PCDHGA3: variants seen among roughly 807,000 people sequenced by gnomAD.
The protein encoded by PCDHGA3 is protocadherin gamma subfamily A, 3.
In PCDHGA3, 40 loss-of-function variants were observed where a neutral mutation model predicts 58.5. That is an observed-to-expected ratio of 0.68 (90% CI 0.53 to 0.89). The LOEUF (loss-of-function observed/expected upper bound fraction) is 0.89. PCDHGA3 is among the 40% of genes least tolerant of loss of function. The pLI is 0.00. For synonymous variants in PCDHGA3, 530 were observed against 525.7 expected (o/e 1.01, Z -0.11); for missense variants, 1,223 against 1,195.9 (o/e 1.02, Z -0.33).
chr5:141,423,865 T>G, intron 1 of PCDHGA3: 1 of 1,285,992 alleles, frequency 7.8e-7, no homozygotes, highest in Non-Finnish European at 9.9e-7. Flanking sequence ...TTTGTGAAAG[T>G]CATTTTTCAA....
chr5:141,392,841 C>T (rs1464167244), intron 1 of PCDHGA3: 3 of 1,608,800 alleles, frequency 1.9e-6, no homozygotes, highest in Non-Finnish European at 8.5e-7. Flanking sequence ...TCGCCCCAGA[C>T]GCGGCGAGCT....
At chr5:141,508,162 G>A (rs377676571) in intron 3 of PCDHGA3, 4 of 152,502 alleles carry the variant, frequency 2.6e-5, no homozygotes, top group African/African-American at 9.7e-5. Context: ...CCTGAGTAGA[G>A]GCTGGCACAG....
chr5:141,433,914 C>A (rs2097664630), intron 1 of PCDHGA3, among the ~76,000 whole-genome samples: 1 of 151,702 alleles, frequency 6.6e-6, no homozygotes, highest in Admixed American at 6.6e-5. Context: ...TTACAATCAC[C>A]TCCAAATGAA....
At chr5:141,413,462 G>A (rs750915907) in intron 1 of PCDHGA3, 4 of 1,614,120 alleles carry the variant, frequency 2.5e-6, no homozygotes, top group East Asian at 2.2e-5. Flanking sequence ...AGGATAGACC[G>A]GGAGGAGCTC....
intron 1 of PCDHGA3, chr5:141,395,512 A>C: frequency 4.7e-6 from 2 of 421,514 alleles, no homozygotes; most frequent in Non-Finnish European, 8.4e-6. Flanking sequence ...AGAAGTAGCT[A>C]CCCGTCCATA....
intron 1 of PCDHGA3, chr5:141,389,967 G>C: frequency 8.7e-6 from 14 of 1,614,046 alleles, no homozygotes; most frequent in Non-Finnish European, 1.1e-5. Context: ...GGTGGCCTTG[G>C]CCTTGATCTC....
chr5:141,400,674 T>A, intron 1 of PCDHGA3: 1 of 917,906 alleles, frequency 1.1e-6, no homozygotes, highest in Non-Finnish European at 1.7e-6. Flanking sequence ...AGAGGAGCAG[T>A]AAATTGTGAG....
rs1227487225 is a variant in PCDHGA3, at chr5:141,491,275, G to C, written c.2425-3532G>C. The C allele has an allele frequency of 2.5e-6, 4 of 1,614,082 alleles. 1 individual carries two copies. In the South Asian group the frequency reaches 4.4e-5, roughly 18 times the overall value. On this transcript the variant is annotated intron_variant, in intron 1 of 3. Transcript: ENST00000253812. This position sits in a 1 kb window ranked among gnomAD's most constrained non-coding sequence, Gnocchi z 6.9. Reference sequence around the variant, plus strand: ...CCCTGAGGAAATGCCCAAATCCAGTGACTTCCTCATACACCCTCCTGAGCG... The same window carrying C: ...CCCTGAGGAAATGCCCAAATCCAGTCACTTCCTCATACACCCTCCTGAGCG...
Position 141,510,956 on chromosome 5 carries a change from A to T in PCDHGA3, c.2582A>T (p.Asp861Val). 1 of 1,614,104 alleles carries T rather than the reference A, an allele frequency of 6.2e-7. No homozygotes were observed. The highest frequency in any genetic ancestry group is 8.5e-7 in the Non-Finnish European group (1 of 1,179,996). The change falls in exon 4 of 4, where the codon GAT becomes GTT. Residue 861 changes from aspartate to valine, a missense_variant. Asp to Val is a radical substitution (Grantham distance 152). This residue lies in a region of PCDHGA3 where 325 missense variants were observed against 327.5 expected (regional missense o/e 0.99). Transcript: ENST00000253812. ...MILASASEAA[D>V]GSSTLGGGAG... ...TCCTCTGTCTCTGCAGAAGCTGCTG[A>T]TGGGAGCTCCACCCTGGGAGGGGGT...
At chr5:141,498,863 G>A (rs1311199561) in intron 2 of PCDHGA3, among the ~76,000 whole-genome samples, 2 of 151,466 alleles carry the variant, frequency 1.3e-5, no homozygotes, top group South Asian at 2.1e-4. Context: ...AACCCAGGAG[G>A]CGGAGGTTGC....
Position 141,477,678 on chromosome 5 carries a change from C to T in PCDHGA3, c.2425-17129C>T, listed in dbSNP as rs967769574. ...AATCGTGACAATGGCATAGTGTCAT[C>T]CTTAGTGCCCCTAGACTATGAGGAT... On this transcript the variant is annotated intron_variant, in intron 1 of 3. Coordinates refer to ENST00000253812, the MANE Select transcript of PCDHGA3 (RefSeq NM_018916.4). This position sits in a 1 kb window ranked among gnomAD's most constrained non-coding sequence, Gnocchi z 4.9. 9.9e-6 allele frequency: 16 copies of T among 1,614,182 alleles called. No homozygotes were observed. The highest frequency in any genetic ancestry group is 1.1e-5 in the Non-Finnish European group (13 of 1,180,046).
intron 1 of PCDHGA3, chr5:141,360,786 C>CGG: frequency 6.2e-7 from 1 of 1,612,498 alleles, no homozygotes. Flanking sequence ...CTGTGGATGG[C>CGG]GGAGACCCAC....
chr5:141,419,196 A>G (rs2096342064), intron 1 of PCDHGA3: 1 of 1,613,994 alleles, frequency 6.2e-7, no homozygotes, highest in Middle Eastern at 1.6e-4. Context: ...ACTGACGTCA[A>G]TGACAACGCG....
chr5:141,459,548 C>G (rs980305784), intron 1 of PCDHGA3, among the ~76,000 whole-genome samples: 2 of 152,036 alleles, frequency 1.3e-5, no homozygotes, highest in African/African-American at 4.8e-5. Flanking sequence ...TTTTATTTCT[C>G]TTGGATAAAT....
chr5:141,504,561 T>G (rs1023434942), intron 2 of PCDHGA3, among the ~76,000 whole-genome samples: 1 of 150,052 alleles, frequency 6.7e-6, no homozygotes, highest in Non-Finnish European at 1.5e-5. Context: ...GGGACTGGCA[T>G]TCTAGGGAAC....
At chr5:141,372,324 G>A (rs559633972) in intron 1 of PCDHGA3, 3 of 1,613,704 alleles carry the variant, frequency 1.9e-6, no homozygotes, top group East Asian at 2.2e-5. Context: ...GCGCCTGCTG[G>A]TCACTGTGCG....
At chr5:141,372,494 A>T in intron 1 of PCDHGA3, 1 of 1,613,974 alleles carries the variant, frequency 6.2e-7, no homozygotes, top group Non-Finnish European at 8.5e-7. Flanking sequence ...CCTTGATCTC[A>T]GTGCTCTTCC....
chr5:141,366,788 T>G, intron 1 of PCDHGA3: 1 of 1,571,338 alleles, frequency 6.4e-7, no homozygotes, highest in Non-Finnish European at 8.6e-7. Context: ...ACCAGAACAT[T>G]TTCATTTGTT....
At chr5:141,393,722 A>T in intron 1 of PCDHGA3, 1 of 1,613,892 alleles carries the variant, frequency 6.2e-7, no homozygotes, top group Non-Finnish European at 8.5e-7. Context: ...AAATATCAAT[A>T]GCAAAAAGTC....
Sources: allele counts gnomAD v4.1 joint callset (sites outside exome capture counted in the v4.1 genomes callset), GRCh38; gene constraint gnomAD v4.1.1; regional missense constraint gnomAD v4.1.1; non-coding constraint Gnocchi (gnomAD v3.1); transcripts MANE v1.5; gene names NCBI Gene and HGNC (gene_info 2026-07-23, HGNC 2026-07-21).